The following C6 variants were observed in gnomAD, a reference collection of about 807,000 sequenced individuals.
C6 encodes the protein complement C6.
C6 carries 101 observed loss-of-function variants against 112.9 expected under a neutral mutation model. That is an observed-to-expected ratio of 0.89 (90% CI 0.76 to 1.06). The LOEUF (loss-of-function observed/expected upper bound fraction) is 1.06. Among genes scored for constraint, C6 ranks in the 50% least tolerant of loss-of-function variants. C6 has a pLI of 0.00. For missense variants in C6, 1,202 were observed against 1,104.6 expected, an observed-to-expected ratio of 1.09 and a Z score of -1.25; for synonymous variants, 431 against 384.1, an observed-to-expected ratio of 1.12 and a Z score of -1.43.
chr5:41,224,894 G>T (rs543677599), intron 1 of C6, among the ~76,000 whole-genome samples: 2 of 152,056 alleles, frequency 1.3e-5, no homozygotes, highest in Admixed American at 1.3e-4. Context: ...CAATTTCTTT[G>T]CATCCTTGCC....
intron 1 of C6, among the ~76,000 whole-genome samples, chr5:41,205,476 G>A (rs987258296): frequency 6.6e-6 from 1 of 152,190 alleles, no homozygotes; most frequent in African/African-American, 2.4e-5. Context: ...CCTAGCCAAG[G>A]GAAGCCATTA....
Position 41,159,156 on chromosome 5 carries a change from G to A in C6, c.1782C>T (p.Pro594=), listed in dbSNP as rs545271270. 1.2e-6 allele frequency: 2 copies of A among 1,613,376 alleles called. No individual in the cohort carries two copies. Among genetic ancestry groups the A allele is most frequent in the Non-Finnish European group, 1.7e-6 (2 of 1,179,744 alleles). ...CCTCACAGCGTTTCCCTCCTCGTTGGGGGGCAGGATTATTGCATTCTCGGG... is the reference window on the plus strand; with the variant it reads ...CCTCACAGCGTTTCCCTCCTCGTTGAGGGGCAGGATTATTGCATTCTCGGG... The part of the protein sequence containing the change: ...SRTRECNNPA[P]QRGGKRCEGE... Residue 594 remains proline (P), a synonymous_variant, in exon 12 of 18, where the codon CCC becomes CCT. Transcript: ENST00000337836.
chr5:41,254,025 T>C (rs1211755552), intron 1 of C6, among the ~76,000 whole-genome samples: 5 of 152,202 alleles, frequency 3.3e-5, no homozygotes, highest in Non-Finnish European at 5.9e-5. Flanking sequence ...TTATTAATAG[T>C]ACATGTTTCT....
Position 41,142,947 on chromosome 5 carries a change from G to T in C6, c.2683C>A (p.Leu895Ile), listed in dbSNP as rs1745483078. The change falls in exon 18 of 18, where the codon CTC becomes ATC. Residue 895 changes from leucine to isoleucine, a missense_variant. Transcript: ENST00000337836. ...GATGATCCCATTTTGACACAGTAGA[G>T]TTGGTTTCCACCCTTGAAGCACTGT... Reference protein sequence around the residue: ...PPQCFKGGNQLYCVKMGSSTS... With the variant: ...PPQCFKGGNQIYCVKMGSSTS... 1 of 1,613,622 alleles carries T rather than the reference G, an allele frequency of 6.2e-7. No homozygotes were observed. The highest frequency in any genetic ancestry group is 8.5e-7 in the Non-Finnish European group (1 of 1,179,748).
rs1745456154 is a variant in C6 at position 41,142,670 on chromosome 5, CAG to C, written c.*153_*154del. The C allele has an allele frequency of 2.9e-6, 2 of 680,976 alleles. No homozygotes were observed. The highest frequency in any genetic ancestry group is 5.3e-6 in the Non-Finnish European group (2 of 376,368). 42.2% of individuals were successfully genotyped at this position (680,976 alleles called of 1,614,324 possible). ...ATAAGACATGCCCAAACAGGAGAGT[CAG>C]GGGAGAATAATGATCTCAAACTAAC... is the stretch of plus-strand genomic sequence containing the variant. On this transcript the variant is annotated 3_prime_UTR_variant, in exon 18 of 18. Transcript: ENST00000337836.
At chr5:41,147,020 G>C (rs921925293) in intron 17 of C6, among the ~76,000 whole-genome samples, 2 of 152,164 alleles carry the variant, frequency 1.3e-5, no homozygotes, top group South Asian at 4.1e-4. Flanking sequence ...AGCCCCAAAT[G>C]CCTGACCTAT....
Position 41,176,719 on chromosome 5 carries a change from A to G in C6, c.928-4T>C. On this transcript the variant is annotated splice_region_variant and splice_polypyrimidine_tract_variant and intron_variant, in intron 7 of 17. Transcript: ENST00000337836. The stretch of plus-strand genomic sequence containing the variant: ...GGATCCTAATAAAACTAGAATCCTA[A>G]ATGGAAGAAAGAAGTAAAAAGATGA... 1.2e-6 allele frequency: 2 copies of G among 1,608,672 alleles called. No individual in the cohort carries two copies. The highest frequency in any genetic ancestry group is 1.7e-6 in the Non-Finnish European group (2 of 1,176,432).
intron 1 of C6, among the ~76,000 whole-genome samples, chr5:41,245,505 GAAA>G (rs60737301): frequency 1.3e-5 from 2 of 151,046 alleles, no homozygotes; most frequent in African/African-American, 4.9e-5. Context: ...TGGGCAAAAA[GAAA>G]AAAAAAAATT....
intron 1 of C6, among the ~76,000 whole-genome samples, chr5:41,255,465 G>A (rs140251142): frequency 9.9e-5 from 15 of 152,172 alleles, no homozygotes; most frequent in African/African-American, 3.1e-4. Context: ...TGCAAGTAAC[G>A]GAGACAAGGG....
At chr5:41,256,908 A>G (rs562254914) in intron 1 of C6, among the ~76,000 whole-genome samples, 5 of 152,250 alleles carry the variant, frequency 3.3e-5, no homozygotes, top group East Asian at 1.9e-4. Flanking sequence ...CCCAAGTCCA[A>G]TGAGGTGTGT....
rs189921907 is a variant in C6, at chr5:41,238,769, A to C, written c.-21+22425T>G. Reference sequence around the variant, plus strand: ...TACACAAATAACCTGAAGGGCATAGATATTAGTAAAACCTATTTTGTTAGT... The same window carrying C: ...TACACAAATAACCTGAAGGGCATAGCTATTAGTAAAACCTATTTTGTTAGT... On this transcript the variant is annotated intron_variant, in intron 1 of 17. Coordinates refer to the C6 transcript ENST00000263413. 3.3e-4 allele frequency among the ~76,000 whole-genome samples: 51 copies of C among 152,360 alleles called. 3 individuals are homozygous for C. The East Asian group carries it at 9.6e-3, about 29-fold the overall frequency.
chr5:41,228,741 ATGTACATTTAT>A (rs1422974444), intron 1 of C6, among the ~76,000 whole-genome samples: 1 of 152,090 alleles, frequency 6.6e-6, no homozygotes, highest in Non-Finnish European at 1.5e-5. Context: ...CCTTATGTTA[ATGTACATTTAT>A]TGTACATTTA....
Position 41,154,986 on chromosome 5 carries a change from T to G in C6, c.2087A>C (p.Asp696Ala). ...CCAGTTCTCACGTTGGCATTCCACA[T>G]CCCCTTGTCTCCAGGTCCCGTCTGG... Reference protein sequence around the residue: ...CLPDGTWRQGDVECQRTECIK... With the variant: ...CLPDGTWRQGAVECQRTECIK... The change falls in exon 14 of 18, where the codon GAT becomes GCT. Residue 696 changes from aspartate to alanine, a missense_variant. By Grantham distance (126) the Asp-to-Ala change is moderately radical. Transcript: ENST00000337836. The G allele has an allele frequency of 6.2e-7, 1 of 1,613,772 alleles. No homozygotes were observed. The highest frequency in any genetic ancestry group is 8.5e-7 in the Non-Finnish European group (1 of 1,179,738).
At position 41,149,372 on chromosome 5, in the gene C6, A is replaced by T; in HGVS notation, c.2492T>A (p.Phe831Tyr). The change falls in exon 17 of 18, where the codon TTT becomes TAT. Residue 831 changes from phenylalanine (F) to tyrosine (Y), a missense_variant. Phe to Tyr is a conservative substitution (Grantham distance 22, BLOSUM62 3). Coordinates refer to ENST00000337836, the MANE Select transcript of C6 (RefSeq NM_000065.5). ...EKCLNNQQLH[F>Y]LHIGSCQDGR... Reference sequence around the variant, plus strand: ...GTCTTGGCAGGAACCAATATGTAGAAAATGGAGTTGCTGATTATTTAAACA... The same window carrying T: ...GTCTTGGCAGGAACCAATATGTAGATAATGGAGTTGCTGATTATTTAAACA... 6.2e-7 allele frequency: 1 copy of T among 1,614,128 alleles called. No homozygotes were observed. The highest frequency in any genetic ancestry group is 8.5e-7 in the Non-Finnish European group (1 of 1,179,990).
Position 41,203,232 on chromosome 5 carries a change from C to T in C6, c.-2G>A, listed in dbSNP as rs201811507. 8 of 1,613,976 alleles carry T rather than the reference C, an allele frequency of 5.0e-6. No individual in the cohort carries two copies. Among genetic ancestry groups the T allele is most frequent in the Non-Finnish European group, 6.8e-6 (8 of 1,179,964 alleles). On this transcript the variant is annotated 5_prime_UTR_variant, in exon 2 of 18. Transcript: ENST00000337836. ...GTACAAGACAGAGCGTCTGGCCATGCCTTGAGAGCCTCCAGGCCCTAAAAT... is the reference window on the plus strand; with the variant it reads ...GTACAAGACAGAGCGTCTGGCCATGTCTTGAGAGCCTCCAGGCCCTAAAAT...
At chr5:41,256,443 T>G (rs374927494) in intron 1 of C6, among the ~76,000 whole-genome samples, 2 of 122,906 alleles carry the variant, frequency 1.6e-5, no homozygotes, top group Admixed American at 8.6e-5. Context: ...AAAAAAAAAG[T>G]AAAAAAAAAA....
chr5:41,174,332 T>C (rs969910534), intron 8 of C6, among the ~76,000 whole-genome samples: 2 of 152,170 alleles, frequency 1.3e-5, no homozygotes, highest in Non-Finnish European at 2.9e-5. Flanking sequence ...TCAGTGTTCC[T>C]CTGCTGTGGA....
At chr5:41,196,549 G>C (rs76598025) in intron 4 of C6, among the ~76,000 whole-genome samples, 7 of 151,736 alleles carry the variant, frequency 4.6e-5, no homozygotes, top group African/African-American at 1.5e-4. Context: ...CTTGACATAG[G>C]ATTGTTTACA....
At chr5:41,169,439 G>A (rs1748251425) in intron 9 of C6, among the ~76,000 whole-genome samples, 1 of 151,934 alleles carries the variant, frequency 6.6e-6, no homozygotes. Flanking sequence ...AGAACGGCTG[G>A]GTTACATTAC....
Sources: gnomAD v4.1 joint callset for allele counts (sites outside exome capture counted in the v4.1 genomes callset) on GRCh38, gnomAD v4.1.1 for gene constraint, MANE v1.5 for transcripts, NCBI Gene and HGNC (gene_info 2026-07-23, HGNC 2026-07-21) for gene names.